ATP8A2: variants seen among roughly 807,000 people sequenced by gnomAD.
The protein encoded by ATP8A2 is phospholipid-transporting ATPase IB.
ATP8A2 carries 100 observed loss-of-function variants against 165.6 expected under a neutral mutation model. The ratio of observed to expected loss-of-function variants is 0.60; its 90% CI spans 0.51 to 0.71. The LOEUF is 0.71. Among genes scored for constraint, ATP8A2 ranks in the 30% least tolerant of loss-of-function variants. The pLI, the probability that ATP8A2 is intolerant of heterozygous loss-of-function variation, is 0.00. For synonymous variants in ATP8A2, 543 were observed against 548.8 expected (o/e 0.99, Z 0.15); for missense variants, 1,227 against 1,479.5 (o/e 0.83, Z 2.80).
At chr13:25,833,075 T>C (rs1284369915) in intron 28 of ATP8A2, among the ~76,000 whole-genome samples, 2 of 150,940 alleles carry the variant, frequency 1.3e-5, no homozygotes, top group African/African-American at 2.4e-5. Context: ...ATAAACAGCT[T>C]TTTTTTTTCT....
At chr13:25,785,725 A>T (rs2045007190) in intron 27 of ATP8A2, among the ~76,000 whole-genome samples, 1 of 152,174 alleles carries the variant, frequency 6.6e-6, no homozygotes, top group African/African-American at 2.4e-5. Context: ...ACTGGATTTC[A>T]GTAATAACTG....
At chr13:25,456,765 T>C (rs1235266262) in intron 1 of ATP8A2, among the ~76,000 whole-genome samples, 1 of 152,234 alleles carries the variant, frequency 6.6e-6, no homozygotes, top group African/African-American at 2.4e-5. Context: ...TTCTGCGTTA[T>C]GCACACAGAA....
intron 35 of ATP8A2, among the ~76,000 whole-genome samples, chr13:25,977,347 G>C (rs969583668): frequency 2.0e-5 from 3 of 152,168 alleles, no homozygotes; most frequent in Admixed American, 1.3e-4. Flanking sequence ...GGCAAGGCCA[G>C]TTAAAGCTCT....
At chr13:25,520,560 ATTGCTGGATTATATGGCATTC>A (rs2037629824) in intron 2 of ATP8A2, among the ~76,000 whole-genome samples, 1 of 148,306 alleles carries the variant, frequency 6.7e-6, no homozygotes, top group Admixed American at 6.7e-5. Flanking sequence ...CAGAAGTGAA[ATTGCTGGATTATATGGCATTC>A]CTATTTTTAG....
intron 25 of ATP8A2, among the ~76,000 whole-genome samples, chr13:25,714,079 G>A (rs1228572381): frequency 1.3e-5 from 2 of 152,008 alleles, no homozygotes; most frequent in Admixed American, 1.3e-4. Flanking sequence ...TTAACCCAGA[G>A]TTTGGTGTTC....
At chr13:25,537,315 G>A (rs1399576121) in intron 6 of ATP8A2, among the ~76,000 whole-genome samples, 1 of 152,168 alleles carries the variant, frequency 6.6e-6, no homozygotes, top group Non-Finnish European at 1.5e-5. Flanking sequence ...CTTTTAATCA[G>A]AGCATTGGCC....
chr13:25,628,858 C>T (rs1002577454), intron 24 of ATP8A2, among the ~76,000 whole-genome samples: 1 of 152,168 alleles, frequency 6.6e-6, no homozygotes, highest in Non-Finnish European at 1.5e-5. Context: ...GCTGAGAGTA[C>T]TGGGGGTTAG....
At chr13:25,611,278 T>C (rs758480373) in intron 24 of ATP8A2, among the ~76,000 whole-genome samples, 2 of 152,130 alleles carry the variant, frequency 1.3e-5, no homozygotes, top group Non-Finnish European at 2.9e-5. Flanking sequence ...TATTTTTGAC[T>C]GTGGGTTTGT....
At position 26,020,292 on chromosome 13, in the gene ATP8A2, T is replaced by G. The variant is rs1957063744; in HGVS notation, c.*307T>G. On this transcript the variant is annotated 3_prime_UTR_variant, in exon 37 of 37. Transcript: ENST00000381655. ...TTAAAAACATTATGTTTCACCAATA[T>G]TTAAACATCAGTACTAGTTGTCCTG... 2.8e-6 allele frequency: 1 copy of G among 352,978 alleles called. No homozygotes were observed. The highest frequency in any genetic ancestry group is 4.5e-5 in the Admixed American group (1 of 22,196). 21.9% of individuals were successfully genotyped at this position (352,978 alleles called of 1,614,324 possible).
intron 25 of ATP8A2, among the ~76,000 whole-genome samples, chr13:25,724,542 A>ATGAGC (rs1194239929): frequency 6.6e-6 from 1 of 152,242 alleles, no homozygotes; most frequent in East Asian, 1.9e-4. Flanking sequence ...TAACTCCCTT[A>ATGAGC]TGAGCTGAGA....
At chr13:25,550,150 C>T (rs1247427557) in intron 10 of ATP8A2, among the ~76,000 whole-genome samples, 1 of 151,908 alleles carries the variant, frequency 6.6e-6, no homozygotes, top group Non-Finnish European at 1.5e-5. Context: ...ACTAAAAATA[C>T]AAAAAATTAG....
chr13:26,015,717 C>T (rs1253205687), intron 36 of ATP8A2, among the ~76,000 whole-genome samples: 1 of 152,222 alleles, frequency 6.6e-6, no homozygotes, highest in Non-Finnish European at 1.5e-5. Flanking sequence ...TCCATTCTGG[C>T]TGTGGCTGTT....
intron 19 of ATP8A2, among the ~76,000 whole-genome samples, chr13:25,575,926 G>A (rs1204414522): frequency 6.6e-6 from 1 of 152,144 alleles, no homozygotes; most frequent in African/African-American, 2.4e-5. Context: ...GGTGAATATT[G>A]GTAGAGACAC....
intron 2 of ATP8A2, among the ~76,000 whole-genome samples, chr13:25,471,532 G>A (rs921344814): frequency 1.3e-5 from 2 of 152,060 alleles, no homozygotes; most frequent in African/African-American, 2.4e-5. Context: ...TAGTAGAGAC[G>A]GGGCTTCGCC....
At chr13:25,619,523 G>A (rs933148401) in intron 24 of ATP8A2, among the ~76,000 whole-genome samples, 1 of 152,130 alleles carries the variant, frequency 6.6e-6, no homozygotes, top group South Asian at 2.1e-4. Context: ...AAACAACCAT[G>A]CTATGTTAAA....
At chr13:25,469,249 G>A (rs2035770192) in intron 2 of ATP8A2, 128 bp downstream of exon 2, 1 of 1,161,286 alleles carries the variant, frequency 8.6e-7, no homozygotes, top group Non-Finnish European at 1.2e-6. Context: ...GCCTTCCCCT[G>A]CCCCCTCCCC....
intron 30 of ATP8A2, among the ~76,000 whole-genome samples, chr13:25,852,456 G>A (rs532927485): frequency 6.6e-6 from 1 of 152,330 alleles, no homozygotes; most frequent in African/African-American, 2.4e-5. Context: ...CACTCCCGGA[G>A]TTGTTCACTT....
chr13:25,948,861 A>T (rs959168661), intron 33 of ATP8A2, among the ~76,000 whole-genome samples: 2 of 152,182 alleles, frequency 1.3e-5, no homozygotes, highest in Admixed American at 6.5e-5. Context: ...CTGTGGTTTA[A>T]GTCACCCGGT....
intron 33 of ATP8A2, chr13:25,950,817 C>T (rs1955335578): frequency 1.3e-5 from 2 of 152,284 alleles, no homozygotes; most frequent in Non-Finnish European, 1.5e-5. Flanking sequence ...GCCTCCAGAC[C>T]AGCCTCCTCT....
Sources: allele counts gnomAD v4.1 joint callset (sites outside exome capture counted in the v4.1 genomes callset), GRCh38; gene constraint gnomAD v4.1.1; transcripts MANE v1.5; gene names NCBI Gene and HGNC (gene_info 2026-07-23, HGNC 2026-07-21).